The following OR10H5 variants were observed in gnomAD, a reference collection of about 807,000 sequenced individuals.
OR10H5 encodes olfactory receptor 10H5.
Under a neutral mutation model 12.2 loss-of-function variants are expected in OR10H5, and 7 were observed. The ratio of observed to expected loss-of-function variants is 0.57; its 90% CI spans 0.33 to 1.07. The LOEUF (loss-of-function observed/expected upper bound fraction) is 1.07. Ranked by LOEUF, OR10H5 falls within the 50% of genes least tolerant of loss-of-function variation. OR10H5 has a pLI of 0.04. For missense variants in OR10H5, 346 were observed against 411.6 expected (o/e 0.84, Z 1.38); for synonymous variants, 159 against 175.1 (o/e 0.91, Z 0.73).
rs1320820800 is a variant in OR10H5 at position 15,797,084 on chromosome 19, C to A, written c.*2088C>A. On this transcript the variant is annotated 3_prime_UTR_variant, in exon 2 of 2. Transcript: ENST00000642092. ...AGGTTGCAGTGAGCCGAGATTGGGC[C>A]ATGGCACTCTAGCCTGGGTGACAGA... 1 of 152,144 alleles carries A rather than the reference C, an allele frequency of 6.6e-6. No individual in the cohort carries two copies. The highest frequency in any genetic ancestry group is 1.5e-5 in the Non-Finnish European group (1 of 68,066). 9.4% of individuals were successfully genotyped at this position (152,144 alleles called of 1,614,324 possible).
In OR10H5 at chr19:15,794,972, CA is replaced by C. The variant is rs1158590900; in HGVS notation, c.927del (p.Lys309AsnfsTer59). 1.2e-6 allele frequency: 2 copies of C among 1,614,088 alleles called. No homozygotes were observed. Among genetic ancestry groups the C allele is most frequent in the Admixed American group, 1.7e-5 (1 of 60,016 alleles). On this transcript the variant is annotated frameshift_variant, in exon 2 of 2. Coordinates refer to ENST00000642092, the MANE Select transcript of OR10H5 (RefSeq NM_001004466.2). LOFTEE classifies it high-confidence loss of function. ...KVAMKKTCFT[K>X]LFPQNC is the part of the protein sequence containing the mutation. Reference sequence around the variant, plus strand: ...TCGCCATGAAGAAGACTTGCTTCACCAAACTCTTTCCACAGAACTGCTGAAA... The same window carrying C: ...TCGCCATGAAGAAGACTTGCTTCACCAACTCTTTCCACAGAACTGCTGAAA...
intron 1 of OR10H5, 186 bp from the exon 2 acceptor site, chr19:15,793,852 C>A (rs1027451513): frequency 2.2e-5 from 13 of 597,930 alleles, no homozygotes; most frequent in Non-Finnish European, 3.5e-5. Flanking sequence ...GCACTCCAGC[C>A]TGGGTGACAG....
chr19:15,792,496 C>T (rs2088813931), intron 1 of OR10H5, among the ~76,000 whole-genome samples: 1 of 152,164 alleles, frequency 6.6e-6, no homozygotes, highest in South Asian at 2.1e-4. Flanking sequence ...GACAGGGTCT[C>T]ACTGTGTCGC....
rs2088838331 is a variant in OR10H5, at chr19:15,795,975, G to A, written c.*979G>A. The A allele has an allele frequency of 6.6e-6, 1 of 152,232 alleles. No homozygotes were observed. Among genetic ancestry groups the A allele is most frequent in the Non-Finnish European group, 1.5e-5 (1 of 68,090 alleles). 9.4% of individuals were successfully genotyped at this position (152,232 alleles called of 1,614,324 possible). ...TTTTGTAGCGACAGGATCTCACGATGTTGCCCAGGCTAGTCTTGAACTCCT... is the reference window on the plus strand; with the variant it reads ...TTTTGTAGCGACAGGATCTCACGATATTGCCCAGGCTAGTCTTGAACTCCT... On this transcript the variant is annotated 3_prime_UTR_variant, in exon 2 of 2. Coordinates refer to ENST00000642092, the MANE Select transcript of OR10H5 (RefSeq NM_001004466.2).
At chr19:15,789,934 A>C (rs2088802146) in intron 1 of OR10H5, among the ~76,000 whole-genome samples, 1 of 151,078 alleles carries the variant, frequency 6.6e-6, no homozygotes, top group Non-Finnish European at 1.5e-5. Flanking sequence ...GGTGCACATC[A>C]CCACGCCTGG....
intron 1 of OR10H5, 103 bp from the exon 2 acceptor site, chr19:15,793,935 G>A: frequency 1.0e-6 from 1 of 962,944 alleles, no homozygotes; most frequent in South Asian, 1.6e-5. Flanking sequence ...ACCATGGCTT[G>A]GACAGATGAA....
At chr19:15,788,824 T>C (rs2088796143) in intron 1 of OR10H5, among the ~76,000 whole-genome samples, 1 of 152,152 alleles carries the variant, frequency 6.6e-6, no homozygotes, top group African/African-American at 2.4e-5. Flanking sequence ...CTTACCTTAA[T>C]GACATCTGTA....
intron 1 of OR10H5, among the ~76,000 whole-genome samples, chr19:15,791,701 T>A (rs189988763): frequency 0.018 from 2,674 of 151,692 alleles, 82 homozygotes; most frequent in Admixed American, 0.069. Context: ...TATTATTTTT[T>A]TTTTTTTTTG....
chr19:15,793,851 C>T, intron 1 of OR10H5, 187 bp from the exon 2 acceptor site: 1 of 595,518 alleles, frequency 1.7e-6, no homozygotes, highest in Non-Finnish European at 2.9e-6. Context: ...TGCACTCCAG[C>T]CTGGGTGACA....
At position 15,794,314 on chromosome 19, in the gene OR10H5, A is replaced by G; in HGVS notation, c.266A>G (p.Gln89Arg). Residue 89 changes from glutamine to arginine, a missense_variant, in exon 2 of 2, where the codon CAG (glutamine) becomes CGG (arginine). Gln to Arg is a conservative substitution (Grantham distance 43). Coordinates refer to ENST00000642092, the MANE Select transcript of OR10H5 (RefSeq NM_001004466.2). ...PRMLADLLSTQRSIAFLACAS... is the reference protein window; with the variant it reads ...PRMLADLLSTRRSIAFLACAS... ...ATGCTGGCCGACCTGCTGTCCACCC[A>G]GCGCTCCATCGCCTTCCTGGCCTGT... 6.2e-7 allele frequency: 1 copy of G among 1,612,968 alleles called. No homozygotes were observed. The highest frequency in any genetic ancestry group is 1.3e-5 in the African/African-American group (1 of 74,564).
intron 1 of OR10H5, among the ~76,000 whole-genome samples, chr19:15,790,292 A>T (rs1277580242): frequency 6.6e-6 from 1 of 152,184 alleles, no homozygotes; most frequent in African/African-American, 2.4e-5. Flanking sequence ...CCTGGCAGGC[A>T]AGGATGAGTG....
In OR10H5 at chr19:15,795,065, C is replaced by G. The variant is rs1344115704; in HGVS notation, c.*69C>G. On this transcript the variant is annotated 3_prime_UTR_variant, in exon 2 of 2. Coordinates refer to ENST00000642092, the MANE Select transcript of OR10H5 (RefSeq NM_001004466.2). ...TTAGTCTTCCTCCTTTATTTCTTTT[C>G]CTTTCCTCCCTCCCTCCTTTCCTCC... 33 of 1,337,406 alleles carry G rather than the reference C, an allele frequency of 2.5e-5. No homozygotes were observed. Among genetic ancestry groups the G allele is most frequent in the Admixed American group, 4.5e-5 (2 of 44,864 alleles). 82.8% of individuals were successfully genotyped at this position (1,337,406 alleles called of 1,614,324 possible).
rs970161300 is a variant in OR10H5 at position 15,799,941 on chromosome 19, T to A, written c.*4945T>A. ...ATGGTTTCAAACTCCTGGCCTCAAG[T>A]GACCTGCCCACCTTGGCCTCCCAAA... is the stretch of plus-strand genomic sequence containing the variant. On this transcript the variant is annotated 3_prime_UTR_variant, in exon 2 of 2. Transcript: ENST00000642092. 4 of 152,128 alleles carry A rather than the reference T, an allele frequency of 2.6e-5. No homozygotes were observed. The highest frequency in any genetic ancestry group is 9.7e-5 in the African/African-American group (4 of 41,406). 9.4% of individuals were successfully genotyped at this position (152,128 alleles called of 1,614,324 possible).
In OR10H5 at chr19:15,794,851, C is replaced by T. The variant is rs67455341; in HGVS notation, c.803C>T (p.Ser268Phe). 1.9e-6 allele frequency: 3 copies of T among 1,613,846 alleles called. No individual in the cohort carries two copies. The highest frequency in any genetic ancestry group is 2.5e-6 in the Non-Finnish European group (3 of 1,179,980). Reference sequence around the variant, plus strand: ...TACCTGAAGCCCAAAGGTCCCCAGTCTCCGGAAGGAGACACCTTGATGGGC... The same window carrying T: ...TACCTGAAGCCCAAAGGTCCCCAGTTTCCGGAAGGAGACACCTTGATGGGC... ...VIYLKPKGPQ[S>F]PEGDTLMGIT... The change falls in exon 2 of 2, where the codon TCT becomes TTT. Residue 268 changes from serine to phenylalanine, a missense_variant. By Grantham distance (155) the Ser-to-Phe change is radical. Transcript: ENST00000642092.
chr19:15,794,814 G>C lies in OR10H5; in HGVS notation c.766G>C (p.Ala256Pro). 1 of 1,614,084 alleles carries C rather than the reference G, an allele frequency of 6.2e-7. No homozygotes were observed. The highest frequency in any genetic ancestry group is 8.5e-7 in the Non-Finnish European group (1 of 1,180,026). ...LTVVVVHYGF[A>P]SVIYLKPKGP... is the part of the protein sequence containing the mutation. Reference sequence around the variant, plus strand: ...TGTGGTGGTCGTGCACTATGGCTTTGCCTCCGTCATTTACCTGAAGCCCAA... The same window carrying C: ...TGTGGTGGTCGTGCACTATGGCTTTCCCTCCGTCATTTACCTGAAGCCCAA... Residue 256 changes from alanine (A) to proline (P), a missense_variant, in exon 2 of 2, where the codon GCC (alanine) becomes CCC (proline). Physicochemically the swap from Ala to Pro is conservative, Grantham distance 27. Coordinates refer to ENST00000642092, the MANE Select transcript of OR10H5 (RefSeq NM_001004466.2).
chr19:15,792,622 T>A (rs2088814409), intron 1 of OR10H5, among the ~76,000 whole-genome samples: 1 of 152,134 alleles, frequency 6.6e-6, no homozygotes, highest in African/African-American at 2.4e-5. Flanking sequence ...CATGTCACCA[T>A]GCCCAGGTAA....
chr19:15,795,758 C>G lies in OR10H5; in HGVS notation c.*762C>G, dbSNP rs1050667340. 6 of 152,218 alleles carry G rather than the reference C, an allele frequency of 3.9e-5. No individual in the cohort carries two copies. The highest frequency in any genetic ancestry group is 3.9e-4 in the Admixed American group (6 of 15,258). The allele number at this position is 152,218 out of a possible 1,614,324, so 9.4% of individuals were successfully genotyped here. Reference sequence around the variant, plus strand: ...TTACTTCACAGGGAAGATAGGATTACTAACTCCATTTTGTTTGTTCGTTAG... The same window carrying G: ...TTACTTCACAGGGAAGATAGGATTAGTAACTCCATTTTGTTTGTTCGTTAG... On this transcript the variant is annotated 3_prime_UTR_variant, in exon 2 of 2. Transcript: ENST00000642092.
In OR10H5 at chr19:15,794,320, C is replaced by G. The variant is rs1443009909; in HGVS notation, c.272C>G (p.Ser91Cys). 6.2e-7 allele frequency: 1 copy of G among 1,614,014 alleles called. No homozygotes were observed. The highest frequency in any genetic ancestry group is 1.3e-5 in the African/African-American group (1 of 74,924). Residue 91 changes from serine to cysteine, a missense_variant, in exon 2 of 2, where the codon TCC becomes TGC. Coordinates refer to ENST00000642092, the MANE Select transcript of OR10H5 (RefSeq NM_001004466.2). ...GCCGACCTGCTGTCCACCCAGCGCT[C>G]CATCGCCTTCCTGGCCTGTGCCAGT... ...MLADLLSTQRSIAFLACASQM... is the reference protein window; with the variant it reads ...MLADLLSTQRCIAFLACASQM...
intron 1 of OR10H5, among the ~76,000 whole-genome samples, chr19:15,792,731 G>T (rs868280011): frequency 2.6e-5 from 4 of 152,284 alleles, no homozygotes; most frequent in Middle Eastern, 3.4e-3. Context: ...CTCCCAAAGT[G>T]CTGGGATTAC....
Sources: allele counts gnomAD v4.1 joint callset (sites outside exome capture counted in the v4.1 genomes callset), GRCh38; gene constraint gnomAD v4.1.1; transcripts MANE v1.5; gene names NCBI Gene and HGNC (gene_info 2026-07-23, HGNC 2026-07-21).